PRKG1: variants seen among roughly 807,000 people sequenced by gnomAD.
PRKG1 encodes the protein protein kinase cGMP-dependent 1, also known as cGMP-dependent protein kinase 1.
In PRKG1, 35 loss-of-function variants were observed where a neutral mutation model predicts 88.1. That is an observed-to-expected ratio of 0.40 (90% CI 0.30 to 0.53). The LOEUF (loss-of-function observed/expected upper bound fraction) is 0.53, where lower values mean the gene tolerates loss of function less well. Ranked by LOEUF, PRKG1 falls within the 20% of genes least tolerant of loss-of-function variation. The pLI, the probability that PRKG1 is intolerant of heterozygous loss-of-function variation, is 0.59. For missense variants in PRKG1, 540 were observed against 839.8 expected, an observed-to-expected ratio of 0.64 and a Z score of 4.41; for synonymous variants, 303 against 292.5, an observed-to-expected ratio of 1.04 and a Z score of -0.37.
At chr10:51,470,745 T>C (rs1258293660) in intron 3 of PRKG1, among the ~76,000 whole-genome samples, 1 of 151,912 alleles carries the variant, frequency 6.6e-6, no homozygotes, top group African/African-American at 2.4e-5. Flanking sequence ...TATCAAGAAG[T>C]AGTTTTCTTA....
Position 51,088,003 on chromosome 10 carries a change from G to A in PRKG1, c.311+13102G>A, listed in dbSNP as rs189509230. ...TGGTCTTGAACCCCTGAGCTCAAAC[G>A]ATCCACCAGCCTTGGCCTCCAAAAG... On this transcript the variant is annotated intron_variant, in intron 1 of 17. Coordinates refer to ENST00000373980, the MANE Select transcript of PRKG1 (RefSeq NM_006258.4). 6.6e-4 allele frequency among the ~76,000 whole-genome samples: 100 copies of A among 152,274 alleles called. 3 individuals are homozygous for A. Among genetic ancestry groups the A allele is most frequent in the Admixed American group, 5.8e-3 (89 of 15,298 alleles).
chr10:51,928,929 G>A (rs893303056), intron 5 of PRKG1, among the ~76,000 whole-genome samples: 1 of 152,016 alleles, frequency 6.6e-6, no homozygotes. Flanking sequence ...AGAGAATATT[G>A]CCCTTGGCCA....
chr10:51,430,641 A>G (rs1838734944), intron 2 of PRKG1, among the ~76,000 whole-genome samples: 1 of 152,204 alleles, frequency 6.6e-6, no homozygotes, highest in Non-Finnish European at 1.5e-5. Flanking sequence ...CCATATAAGA[A>G]GTTGAAAACA....
At chr10:51,143,025 A>G (rs569895940) in intron 1 of PRKG1, among the ~76,000 whole-genome samples, 2 of 152,228 alleles carry the variant, frequency 1.3e-5, no homozygotes, top group East Asian at 3.9e-4. Flanking sequence ...CAAGAATACA[A>G]TATGACATTA....
intron 3 of PRKG1, among the ~76,000 whole-genome samples, chr10:51,500,566 C>A (rs1415409737): frequency 6.6e-6 from 1 of 152,204 alleles, no homozygotes; most frequent in African/African-American, 2.4e-5. Flanking sequence ...TTTTCACACA[C>A]TGCATGAACC....
intron 3 of PRKG1, among the ~76,000 whole-genome samples, chr10:51,572,281 T>C (rs548387297): frequency 2.6e-4 from 39 of 151,988 alleles, no homozygotes; most frequent in African/African-American, 9.1e-4. Flanking sequence ...TATTGAGTCC[T>C]TCAATCAATA....
intron 7 of PRKG1, among the ~76,000 whole-genome samples, chr10:52,093,658 AT>A (rs1464712939): frequency 6.6e-6 from 1 of 152,062 alleles, no homozygotes; most frequent in African/African-American, 2.4e-5. Context: ...CTTGCAAAAA[AT>A]TTTCTTCTTT....
At chr10:52,033,338 C>A (rs1217736992) in intron 5 of PRKG1, among the ~76,000 whole-genome samples, 2 of 152,066 alleles carry the variant, frequency 1.3e-5, no homozygotes, top group Non-Finnish European at 2.9e-5. Context: ...CGTACCTGGT[C>A]AAAGTTGATA....
chr10:51,699,425 A>G, intron 3 of PRKG1: 1 of 1,614,062 alleles, frequency 6.2e-7, no homozygotes. Flanking sequence ...GAAACTGACA[A>G]CAGAACCAAC....
chr10:51,111,394 A>G (rs1463632237), intron 1 of PRKG1, among the ~76,000 whole-genome samples: 1 of 152,130 alleles, frequency 6.6e-6, no homozygotes, highest in East Asian at 1.9e-4. Context: ...CATCCCCTCC[A>G]GCCTTTATCC....
chr10:52,194,228 G>A (rs1365576333), intron 9 of PRKG1, among the ~76,000 whole-genome samples: 1 of 152,108 alleles, frequency 6.6e-6, no homozygotes, highest in Non-Finnish European at 1.5e-5. Flanking sequence ...TCCTGTTTTT[G>A]AAGATCGACT....
intron 1 of PRKG1, among the ~76,000 whole-genome samples, chr10:51,144,821 A>G (rs1845903232): frequency 6.6e-6 from 1 of 152,136 alleles, no homozygotes. Flanking sequence ...ATTTGGCTCC[A>G]ATTTTCTGGA....
chr10:51,171,777 A>G (rs1207920741), intron 2 of PRKG1, among the ~76,000 whole-genome samples: 2 of 152,090 alleles, frequency 1.3e-5, no homozygotes, highest in Non-Finnish European at 1.5e-5. Flanking sequence ...TAAGCAACTT[A>G]AGGTCAGGAA....
At chr10:51,140,365 T>C (rs958466915) in intron 1 of PRKG1, among the ~76,000 whole-genome samples, 7 of 152,274 alleles carry the variant, frequency 4.6e-5, no homozygotes, top group African/African-American at 1.4e-4. Context: ...TAGCACAATG[T>C]CATATATGAG....
chr10:51,483,530 T>C (rs1029066240), intron 3 of PRKG1, among the ~76,000 whole-genome samples: 1 of 152,214 alleles, frequency 6.6e-6, no homozygotes, highest in African/African-American at 2.4e-5. Flanking sequence ...ATTTGTCAGG[T>C]CTTTATAGGT....
At chr10:52,117,597 T>C in intron 7 of PRKG1, among the ~76,000 whole-genome samples, 1 of 152,108 alleles carries the variant, frequency 6.6e-6, no homozygotes, top group East Asian at 1.9e-4. Context: ...CGGAAATTAC[T>C]TGTGAGAGTT....
At chr10:51,915,264 G>T (rs577085689) in intron 5 of PRKG1, among the ~76,000 whole-genome samples, 1 of 152,286 alleles carries the variant, frequency 6.6e-6, no homozygotes, top group African/African-American at 2.4e-5. Flanking sequence ...GACTCTTCAG[G>T]AGAGACACTG....
At chr10:52,228,342 G>A (rs145833496) in intron 9 of PRKG1, among the ~76,000 whole-genome samples, 18 of 152,026 alleles carry the variant, frequency 1.2e-4, no homozygotes, top group South Asian at 1.0e-3. Flanking sequence ...AAGCCACTGC[G>A]TTGCTGGTCT....
At chr10:51,766,578 C>T (rs888560961) in intron 3 of PRKG1, among the ~76,000 whole-genome samples, 2 of 152,136 alleles carry the variant, frequency 1.3e-5, no homozygotes, top group African/African-American at 4.8e-5. Context: ...TGAGGACCCA[C>T]ACTAACCACC....
Sources: allele counts gnomAD v4.1 joint callset (sites outside exome capture counted in the v4.1 genomes callset), GRCh38; gene constraint gnomAD v4.1.1; transcripts MANE v1.5; gene names NCBI Gene and HGNC (gene_info 2026-07-23, HGNC 2026-07-21).